The following ABCB8 variants were observed in gnomAD, a reference collection of about 807,000 sequenced individuals.
ABCB8 encodes mitochondrial potassium channel ATP-binding subunit.
In ABCB8, 52 loss-of-function variants were observed where a neutral mutation model predicts 73.0. The ratio of observed to expected loss-of-function variants is 0.71; its 90% CI spans 0.57 to 0.90. ABCB8 has a LOEUF of 0.90. Ranked by LOEUF, ABCB8 falls within the 40% of genes least tolerant of loss-of-function variation. The pLI, the probability that ABCB8 is intolerant of heterozygous loss-of-function variation, is 0.00. For missense variants in ABCB8, 909 were observed against 974.6 expected (o/e 0.93, Z 0.90); for synonymous variants, 428 against 423.5 (o/e 1.01, Z -0.13).
intron 14 of ABCB8, among the ~76,000 whole-genome samples, chr7:151,043,547 C>T (rs1423443243): frequency 1.6e-5 from 2 of 121,560 alleles, no homozygotes; most frequent in Non-Finnish European, 1.7e-5. Context: ...GTGCACAGTG[C>T]GGGGTGGAGG....
At position 151,041,081 on chromosome 7, in the gene ABCB8, C is replaced by T. The variant is rs746818296; in HGVS notation, c.1484-18C>T. On this transcript the variant is annotated intron_variant, in intron 12 of 15. Transcript: ENST00000358849. Reference sequence around the variant, plus strand: ...CCTAGAATCCCTGGCCTCCCTCCCTCTCAACCCAATTCCCCAGGAAAGACC... The same window carrying T: ...CCTAGAATCCCTGGCCTCCCTCCCTTTCAACCCAATTCCCCAGGAAAGACC... 3.7e-6 allele frequency: 6 copies of T among 1,613,746 alleles called. No homozygotes were observed. In the East Asian group the frequency reaches 8.9e-5, roughly 24 times the overall value.
At chr7:151,034,194 A>G in intron 2 of ABCB8, 79 bp from the exon 3 acceptor site, 1 of 1,480,660 alleles carries the variant, frequency 6.8e-7, no homozygotes, top group South Asian at 1.3e-5. Context: ...TGGGAGAGGA[A>G]GGGCCAAGAT....
intron 1 of ABCB8, chr7:151,033,306 A>G: frequency 1.3e-6 from 1 of 751,106 alleles, no homozygotes; most frequent in Non-Finnish European, 2.0e-6. Context: ...ATTCTGTCAG[A>G]GCCTGGAGTC....
Position 151,045,308 on chromosome 7 carries a change from A to C in ABCB8, c.2116A>C (p.Lys706Gln). The C allele has an allele frequency of 6.3e-7, 1 of 1,597,550 alleles. No individual in the cohort carries two copies. Among genetic ancestry groups the C allele is most frequent in the African/African-American group, 1.4e-5 (1 of 74,044 alleles). ...CCCGAGGACAGCGGCCCCACCGCCC[A>C]AAAAGCCAGAAGGCCCCAGGAGCCA... ...DAPRTAAPPP[K>Q]KPEGPRSHQH... Residue 706 changes from lysine (K) to glutamine (Q), a missense_variant, in exon 16 of 16, where the codon AAA becomes CAA. Transcript: ENST00000358849.
intron 1 of ABCB8, chr7:151,032,924 T>G (rs894923647): frequency 3.9e-5 from 17 of 438,148 alleles, no homozygotes; most frequent in African/African-American, 3.0e-4. Context: ...TCAGAAGACA[T>G]GGCACACTGG....
Position 151,034,456 on chromosome 7 carries a change from G to A in ABCB8, c.564+28G>A, listed in dbSNP as rs149180972. ...ACAGCCGGGAGTGGGGCTGGGGACC[G>A]CCGAGGAGCCACCCGAGGCATCCCT... is the stretch of plus-strand genomic sequence containing the variant. On this transcript the variant is annotated intron_variant, in intron 3 of 15. Coordinates refer to ENST00000358849, the MANE Select transcript of ABCB8 (RefSeq NM_007188.5). 28 of 1,613,628 alleles carry A rather than the reference G, an allele frequency of 1.7e-5. No homozygotes were observed. The African/African-American group carries it at 1.9e-4, about 11-fold the overall frequency.
Position 151,040,888 on chromosome 7 carries a change from C to G in ABCB8, c.1449C>G (p.Gly483=). Residue 483 remains glycine, a synonymous_variant, in exon 12 of 16, where the codon GGC becomes GGG. Coordinates refer to ENST00000358849, the MANE Select transcript of ABCB8 (RefSeq NM_007188.5). ...ACTTCACCCTGACGCTGCCCCCTGG[C>G]AAGATCGTGGCCCTCGTGGGCCAGT... The part of the protein sequence containing the change: ...LKDFTLTLPP[G]KIVALVGQSG... 6 of 1,606,508 alleles carry G rather than the reference C, an allele frequency of 3.7e-6. No homozygotes were observed. The highest frequency in any genetic ancestry group is 5.1e-6 in the Non-Finnish European group (6 of 1,176,846).
rs1375840915 is a variant in ABCB8, at chr7:151,028,614, A to G, written c.95+4A>G. 1 of 1,612,966 alleles carries G rather than the reference A, an allele frequency of 6.2e-7. No homozygotes were observed. Among genetic ancestry groups the G allele is most frequent in the Admixed American group, 1.7e-5 (1 of 59,970 alleles). On this transcript the variant is annotated splice_donor_region_variant and intron_variant, in intron 1 of 15. Coordinates refer to ENST00000358849, the MANE Select transcript of ABCB8 (RefSeq NM_007188.5). ...TCCAGACATTCTCAGCTGTCAGGTA[A>G]AAACGGAAAAACCTACTCAGAGCGG...
Position 151,034,270 on chromosome 7 carries a change from C to T in ABCB8, c.409-3C>T, listed in dbSNP as rs1796242829. 6.2e-7 allele frequency: 1 copy of T among 1,609,774 alleles called. No individual in the cohort carries two copies. The highest frequency in any genetic ancestry group is 1.3e-5 in the African/African-American group (1 of 74,838). ...ATTTGTGCCCTCTGTCTCCCCATTC[C>T]AGCTGGCCTTGGGTGCGGCACTCGT... On this transcript the variant is annotated splice_polypyrimidine_tract_variant and splice_region_variant and intron_variant, in intron 2 of 15. Transcript: ENST00000358849.
chr7:151,029,386 G>GAGAC (rs200929404), intron 1 of ABCB8, among the ~76,000 whole-genome samples: 3 of 151,766 alleles, frequency 2.0e-5, no homozygotes, highest in African/African-American at 7.3e-5. Flanking sequence ...TCGAGAGAGA[G>GAGAC]AGACAGACAG....
intron 13 of ABCB8, 91 bp downstream of exon 13, chr7:151,041,323 C>G: frequency 1.4e-6 from 2 of 1,437,336 alleles, no homozygotes; most frequent in Non-Finnish European, 1.8e-6. Context: ...TTCTTTCTTT[C>G]CCACCCTCAT....
intron 14 of ABCB8, among the ~76,000 whole-genome samples, chr7:151,043,340 G>A (rs1472936078): frequency 6.6e-6 from 1 of 152,104 alleles, no homozygotes; most frequent in Non-Finnish European, 1.5e-5. Context: ...GAGGGACCCA[G>A]AGGTGGGATG....
chr7:151,033,144 G>T, intron 1 of ABCB8: 2 of 456,880 alleles, frequency 4.4e-6, no homozygotes, highest in South Asian at 1.6e-5. Context: ...GGCTGTGTCT[G>T]CCCTGGTGGC....
chr7:151,035,834 T>G, intron 6 of ABCB8, 48 bp from the exon 7 acceptor site: 1 of 1,610,620 alleles, frequency 6.2e-7, no homozygotes, highest in Non-Finnish European at 8.5e-7. Context: ...CCTGGACTCC[T>G]TGTCCTGTTT....
chr7:151,036,868 C>T (rs767600325), intron 9 of ABCB8: 7 of 756,656 alleles, frequency 9.3e-6, no homozygotes, highest in Non-Finnish European at 1.7e-5. Context: ...CAGGCAGGTG[C>T]TTGTCATCTT....
intron 2 of ABCB8, 21 bp from the exon 3 acceptor site, chr7:151,034,252 C>A (rs758652635): frequency 5.0e-6 from 8 of 1,598,998 alleles, no homozygotes. Flanking sequence ...AACATTTGTG[C>A]CCTCTGTCTC....
chr7:151,032,617 C>G (rs1484497668), intron 1 of ABCB8, among the ~76,000 whole-genome samples: 1 of 151,876 alleles, frequency 6.6e-6, no homozygotes, highest in Non-Finnish European at 1.5e-5. Context: ...TCTCTTGAAC[C>G]CGGGAGGCAG....
intron 5 of ABCB8, among the ~76,000 whole-genome samples, chr7:151,035,190 C>T (rs1420240427): frequency 3.3e-5 from 5 of 152,184 alleles, no homozygotes; most frequent in African/African-American, 4.8e-5. Flanking sequence ...AGTGGCCTAC[C>T]GAACACAGAT....
chr7:151,045,157 T>C (rs1315658008), intron 15 of ABCB8, 52 bp from the exon 16 acceptor site: 2 of 1,487,062 alleles, frequency 1.3e-6, no homozygotes, highest in Non-Finnish European at 1.8e-6. Context: ...CTGAGGGTTC[T>C]GAAGCCTGCA....
Sources: gnomAD v4.1 joint callset for allele counts (sites outside exome capture counted in the v4.1 genomes callset) on GRCh38, gnomAD v4.1.1 for gene constraint, MANE v1.5 for transcripts, NCBI Gene and HGNC (gene_info 2026-07-23, HGNC 2026-07-21) for gene names.